Variants in LRP1B observed in about 807,000 individuals in gnomAD.
LRP1B encodes LDL receptor related protein 1B.
Under a neutral mutation model 556.6 loss-of-function variants are expected in LRP1B, and 217 were observed. The observed-to-expected ratio is 0.39, with a 90% CI of 0.35 to 0.44. The LOEUF (loss-of-function observed/expected upper bound fraction) is 0.44. Ranked by LOEUF, LRP1B falls within the 20% of genes least tolerant of loss-of-function variation. The pLI, the probability that LRP1B is intolerant of heterozygous loss-of-function variation, is 1.00. For synonymous variants in LRP1B, 2,047 were observed against 1,865.8 expected (o/e 1.10, Z -2.50); for missense variants, 5,053 against 5,620.8 (o/e 0.90, Z 3.23).
intron 2 of LRP1B, among the ~76,000 whole-genome samples, chr2:141,485,634 C>T (rs1168772023): frequency 2.0e-5 from 3 of 152,042 alleles, no homozygotes; most frequent in Admixed American, 2.0e-4. Flanking sequence ...TCCTAATTCC[C>T]AATGATCATT....
intron 2 of LRP1B, among the ~76,000 whole-genome samples, chr2:141,691,083 C>A (rs978228393): frequency 6.6e-6 from 1 of 151,776 alleles, no homozygotes; most frequent in Non-Finnish European, 1.5e-5. Flanking sequence ...AAATAAAAGA[C>A]AGGAAAACGA....
At chr2:141,059,545 T>G (rs1242217935) in intron 8 of LRP1B, among the ~76,000 whole-genome samples, 1 of 151,822 alleles carries the variant, frequency 6.6e-6, no homozygotes, top group Non-Finnish European at 1.5e-5. Flanking sequence ...TCCCAATCTA[T>G]GTTTAGACTA....
chr2:140,698,904 C>A (rs1036498429), intron 41 of LRP1B, among the ~76,000 whole-genome samples: 2 of 152,036 alleles, frequency 1.3e-5, no homozygotes, highest in African/African-American at 4.8e-5. Flanking sequence ...AATGTTGACA[C>A]ATTTTATTAT....
chr2:140,472,842 A>G (rs766873133), intron 60 of LRP1B, among the ~76,000 whole-genome samples: 1 of 152,042 alleles, frequency 6.6e-6, no homozygotes, highest in Non-Finnish European at 1.5e-5. Flanking sequence ...AAAGTCTCAT[A>G]TGTTTTTTAT....
At chr2:142,041,196 G>A (rs1424462555) in intron 1 of LRP1B, among the ~76,000 whole-genome samples, 2 of 151,170 alleles carry the variant, frequency 1.3e-5, no homozygotes, top group Non-Finnish European at 3.0e-5. Flanking sequence ...CTCCAAGTTT[G>A]AGAAGAAGAT....
rs138879978 is a variant in LRP1B, at chr2:141,599,639, A to C, written c.206-119106T>G. On this transcript the variant is annotated intron_variant, in intron 2 of 90. Coordinates refer to ENST00000389484, the MANE Select transcript of LRP1B (RefSeq NM_018557.3). ...TATGTACAATTTGATCCAGAGAAAA[A>C]TGTAACAATGATATAAAGGGCATAA... 2.6e-4 allele frequency among the ~76,000 whole-genome samples: 39 copies of C among 152,262 alleles called. No individual in the cohort carries two copies. The East Asian group carries it at 6.2e-3, about 24-fold the overall frequency.
chr2:140,392,991 G>A (rs577124589), intron 66 of LRP1B, among the ~76,000 whole-genome samples: 2 of 151,222 alleles, frequency 1.3e-5, no homozygotes, highest in South Asian at 4.2e-4. Context: ...ATGCAGTGGT[G>A]CAATCATAGC....
intron 2 of LRP1B, among the ~76,000 whole-genome samples, chr2:141,680,459 A>G (rs187982279): frequency 7.2e-5 from 11 of 152,316 alleles, no homozygotes; most frequent in Admixed American, 2.0e-4. Context: ...GAACATAGGA[A>G]GAAATGGAAT....
intron 24 of LRP1B, among the ~76,000 whole-genome samples, chr2:140,884,712 CT>C (rs1373268606): frequency 1.3e-5 from 2 of 152,024 alleles, no homozygotes; most frequent in African/African-American, 4.8e-5. Flanking sequence ...AAAAAAAAAT[CT>C]TTTTTTCTAC....
chr2:141,847,763 C>A (rs766470617), intron 1 of LRP1B, among the ~76,000 whole-genome samples: 2 of 151,512 alleles, frequency 1.3e-5, no homozygotes, highest in Non-Finnish European at 3.0e-5. Context: ...TTCTCTAATA[C>A]TGTTACAAAA....
intron 86 of LRP1B, among the ~76,000 whole-genome samples, chr2:140,254,918 C>T (rs1258238405): frequency 9.9e-5 from 15 of 152,076 alleles, no homozygotes; most frequent in Non-Finnish European, 1.5e-4. Context: ...TTTCTTGGGA[C>T]GTTGTGTTAG....
intron 59 of LRP1B, among the ~76,000 whole-genome samples, chr2:140,476,112 T>A (rs941184906): frequency 6.6e-6 from 1 of 152,030 alleles, no homozygotes; most frequent in African/African-American, 2.4e-5. Flanking sequence ...CCCGATAAAA[T>A]GCAAATAACG....
chr2:141,782,656 CT>C (rs1207620264), intron 2 of LRP1B, among the ~76,000 whole-genome samples: 1 of 150,564 alleles, frequency 6.6e-6, no homozygotes, highest in East Asian at 2.0e-4. Context: ...TTGTGTGAAA[CT>C]CACCATCGTG....
At chr2:140,890,585 A>T (rs1693769951) in intron 23 of LRP1B, among the ~76,000 whole-genome samples, 1 of 151,996 alleles carries the variant, frequency 6.6e-6, no homozygotes, top group African/African-American at 2.4e-5. Context: ...ATAAACAAAC[A>T]AAATAAACTA....
intron 41 of LRP1B, among the ~76,000 whole-genome samples, chr2:140,651,526 T>TAAAAAAAAAAAAAAAAAAAAAAAAAAA (rs558677783): frequency 9.3e-6 from 1 of 107,028 alleles, no homozygotes; most frequent in African/African-American, 3.7e-5. Context: ...ATACAAAAAT[T>TAAAAAAAAAAAAAAAAAAAAAAAAAAA]AAAAAAAAAA....
chr2:141,537,747 A>G (rs949005689), intron 2 of LRP1B, among the ~76,000 whole-genome samples: 4 of 152,160 alleles, frequency 2.6e-5, no homozygotes, highest in Non-Finnish European at 5.9e-5. Context: ...GTTGCTATGA[A>G]AAAGAATCAA....
At chr2:141,810,135 A>G (rs1021351361) in intron 2 of LRP1B, 144 bp downstream of exon 2, 4 of 465,706 alleles carry the variant, frequency 8.6e-6, no homozygotes, top group East Asian at 3.5e-5. Flanking sequence ...GAAAGAAAGA[A>G]AGAAAGAAAG....
At chr2:141,369,687 G>A (rs1378906467) in intron 3 of LRP1B, among the ~76,000 whole-genome samples, 4 of 151,664 alleles carry the variant, frequency 2.6e-5, no homozygotes, top group Admixed American at 2.6e-4. Flanking sequence ...ATATTCATGG[G>A]GTACAAGTGC....
At chr2:141,512,718 T>G (rs979374797) in intron 2 of LRP1B, among the ~76,000 whole-genome samples, 3 of 152,164 alleles carry the variant, frequency 2.0e-5, no homozygotes, top group African/African-American at 7.2e-5. Context: ...AGAAAAGCAC[T>G]GTTACTTGCT....
Sources: gnomAD v4.1 joint callset for allele counts (sites outside exome capture counted in the v4.1 genomes callset) on GRCh38, gnomAD v4.1.1 for gene constraint, MANE v1.5 for transcripts, NCBI Gene and HGNC (gene_info 2026-07-23, HGNC 2026-07-21) for gene names.